Variants in MAP3K20 observed in about 807,000 individuals in gnomAD.
MAP3K20 encodes the protein HCCS-4.
Under a neutral mutation model 85.7 loss-of-function variants are expected in MAP3K20, and 40 were observed. The ratio of observed to expected loss-of-function variants is 0.47; its 90% CI spans 0.36 to 0.61. MAP3K20 has a LOEUF of 0.61. Among genes scored for constraint, MAP3K20 ranks in the 20% least tolerant of loss-of-function variants. The pLI, the probability that MAP3K20 is intolerant of heterozygous loss-of-function variation, is 0.00. For missense variants in MAP3K20, 817 were observed against 961.7 expected (o/e 0.85, Z 1.99); for synonymous variants, 325 against 327.7 (o/e 0.99, Z 0.09).
intron 16 of MAP3K20, 60 bp from the exon 17 acceptor site, chr2:173,258,639 G>C (rs1318805160): frequency 2.1e-6 from 2 of 931,588 alleles, no homozygotes; most frequent in Non-Finnish European, 3.4e-6. Context: ...AGGAAATATT[G>C]AGACTAAAAA....
rs1468684640 is a variant in MAP3K20 at position 173,221,416 on chromosome 2, G to A, written c.987+4166G>A. On this transcript the variant is annotated intron_variant, in intron 11 of 19. Transcript: ENST00000375213. ...CTTCCAAAACCACATCTAAGAGAAG[G>A]GGGAAGAAAGTCAACATGGCTCTGG... 4 of 1,613,954 alleles carry A rather than the reference G, an allele frequency of 2.5e-6. No individual in the cohort carries two copies. The African/African-American group carries it at 4.0e-5, about 16-fold the overall frequency.
At chr2:173,099,892 G>A (rs534085502) in intron 2 of MAP3K20, among the ~76,000 whole-genome samples, 2 of 152,322 alleles carry the variant, frequency 1.3e-5, no homozygotes, top group East Asian at 3.9e-4. Context: ...AGGATTGAAT[G>A]AGATCATATA....
intron 11 of MAP3K20, chr2:173,225,901 C>G (rs1684373703): frequency 1.0e-6 from 1 of 970,486 alleles, no homozygotes; most frequent in African/African-American, 1.8e-5. Flanking sequence ...TACACTGATT[C>G]CACAATTAAA....
intron 2 of MAP3K20, among the ~76,000 whole-genome samples, chr2:173,134,423 TATATA>T (rs1339209066): frequency 2.2e-4 from 5 of 22,370 alleles, no homozygotes; most frequent in Admixed American, 5.5e-4. Flanking sequence ...TATATATATA[TATATA>T]TTTTTTTTTT....
At chr2:173,117,552 T>C (rs1364809932) in intron 2 of MAP3K20, among the ~76,000 whole-genome samples, 1 of 152,052 alleles carries the variant, frequency 6.6e-6, no homozygotes, top group Non-Finnish European at 1.5e-5. Flanking sequence ...ATTGTTGGGA[T>C]TACAGGCACA....
At chr2:173,133,847 C>T (rs747230977) in intron 2 of MAP3K20, among the ~76,000 whole-genome samples, 4 of 151,566 alleles carry the variant, frequency 2.6e-5, no homozygotes, top group Non-Finnish European at 5.9e-5. Context: ...AAAAATTAGC[C>T]GGGCATGGTG....
At chr2:173,226,051 GC>G in intron 11 of MAP3K20, 1 of 985,352 alleles carries the variant, frequency 1.0e-6, no homozygotes, top group Non-Finnish European at 1.2e-6. Context: ...AAAGCCTACA[GC>G]TCACTGTTTT....
In MAP3K20 at chr2:173,226,596, G is replaced by C. The variant is rs554270111; in HGVS notation, c.988-3093G>C. 3.6e-5 allele frequency: 35 copies of C among 985,792 alleles called. No homozygotes were observed. The East Asian group carries it at 3.4e-3, about 96-fold the overall frequency. The allele number at this position is 985,792 out of a possible 1,614,324, so 61.1% of individuals were successfully genotyped here. A position where few individuals can be genotyped will look rare whatever the true frequency, so the allele number is the denominator to read the frequency against. ...ATCCATCAGGAAATCTAGAAGACTAGCCGTGTTTTCTCAGACTCCACCTTT... is the reference window on the plus strand; with the variant it reads ...ATCCATCAGGAAATCTAGAAGACTACCCGTGTTTTCTCAGACTCCACCTTT... On this transcript the variant is annotated intron_variant, in intron 11 of 19. Coordinates refer to ENST00000375213, the MANE Select transcript of MAP3K20 (RefSeq NM_016653.3).
chr2:173,219,701 A>C (rs1390941811), intron 11 of MAP3K20, among the ~76,000 whole-genome samples: 1 of 152,220 alleles, frequency 6.6e-6, no homozygotes, highest in Non-Finnish European at 1.5e-5. Context: ...TTATTGAACT[A>C]ACAACTCCAG....
intron 11 of MAP3K20, among the ~76,000 whole-genome samples, chr2:173,218,422 C>T (rs1035644175): frequency 1.3e-5 from 2 of 152,216 alleles, no homozygotes; most frequent in African/African-American, 4.8e-5. Flanking sequence ...CTAACACTAT[C>T]ATGGAACATT....
At chr2:173,237,596 A>T (rs1684683747) in intron 14 of MAP3K20, among the ~76,000 whole-genome samples, 1 of 152,162 alleles carries the variant, frequency 6.6e-6, no homozygotes, top group South Asian at 2.1e-4. Context: ...GTATCCAAAA[A>T]ATCATCATTT....
At chr2:173,148,444 T>C (rs1219486091) in intron 2 of MAP3K20, among the ~76,000 whole-genome samples, 1 of 152,220 alleles carries the variant, frequency 6.6e-6, no homozygotes, top group African/African-American at 2.4e-5. Flanking sequence ...GAAAGGGACT[T>C]GGAATTTATT....
At chr2:173,136,931 A>T (rs969747108) in intron 2 of MAP3K20, among the ~76,000 whole-genome samples, 1 of 152,208 alleles carries the variant, frequency 6.6e-6, no homozygotes, top group African/African-American at 2.4e-5. Context: ...TAGGACCACT[A>T]TACCTGGTTT....
chr2:173,211,907 C>G (rs1683908734), intron 10 of MAP3K20: 1 of 152,000 alleles, frequency 6.6e-6, no homozygotes, highest in Non-Finnish European at 1.5e-5. Flanking sequence ...CAGCAAGACT[C>G]CGTCTCAAAA....
intron 3 of MAP3K20, among the ~76,000 whole-genome samples, chr2:173,177,528 A>C (rs182283752): frequency 0.014 from 2,027 of 146,012 alleles, 25 homozygotes; most frequent in South Asian, 0.03. Context: ...GCTCACTGCA[A>C]CCTCCACCTC....
At chr2:173,217,870 T>C (rs911315721) in intron 11 of MAP3K20, among the ~76,000 whole-genome samples, 2 of 152,200 alleles carry the variant, frequency 1.3e-5, no homozygotes, top group African/African-American at 4.8e-5. Flanking sequence ...TAGAGGAATA[T>C]AAAAATTATT....
intron 2 of MAP3K20, among the ~76,000 whole-genome samples, chr2:173,121,458 C>T (rs1688284446): frequency 6.6e-6 from 1 of 152,156 alleles, no homozygotes; most frequent in African/African-American, 2.4e-5. Flanking sequence ...GCAATCTCGG[C>T]TCACTGTAAG....
chr2:173,250,504 G>A (rs1306053532), intron 16 of MAP3K20, among the ~76,000 whole-genome samples: 1 of 152,188 alleles, frequency 6.6e-6, no homozygotes, highest in East Asian at 1.9e-4. Flanking sequence ...CTGGCGTCAT[G>A]TTTTTATATA....
chr2:173,215,966 G>A (rs1684059933), intron 10 of MAP3K20: 1 of 152,236 alleles, frequency 6.6e-6, no homozygotes, highest in Non-Finnish European at 1.5e-5. Flanking sequence ...GTGGCACCTG[G>A]AAGCAGTAGC....
Sources: allele counts gnomAD v4.1 joint callset (sites outside exome capture counted in the v4.1 genomes callset), GRCh38; gene constraint gnomAD v4.1.1; transcripts MANE v1.5; gene names NCBI Gene and HGNC (gene_info 2026-07-23, HGNC 2026-07-21).